Variants in TMEM74 observed in about 807,000 individuals in gnomAD.
TMEM74 encodes transmembrane protein 74.
TMEM74 carries 13 observed loss-of-function variants against 18.1 expected under a neutral mutation model. The observed-to-expected ratio is 0.72, with a 90% confidence interval of 0.47 to 1.14. TMEM74 has a LOEUF of 1.14. Ranked by LOEUF, TMEM74 falls within the 50% of genes most tolerant of loss-of-function variation. TMEM74 has a pLI of 0.00. For synonymous variants in TMEM74, 159 were observed against 146.6 expected (o/e 1.08, Z -0.61); for missense variants, 372 against 375.9 (o/e 0.99, Z 0.09).
chr8:108,774,593 C>T (rs980395555), downstream of TMEM74, among the ~76,000 whole-genome samples: 1 of 152,168 alleles, frequency 6.6e-6, no homozygotes, highest in African/African-American at 2.4e-5. Context: ...CGTCACTTTG[C>T]TCACATTCCT....
rs936094024 is a variant in TMEM74, at chr8:108,672,645, GC to G, written n.120-17209del. Among the ~76,000 whole-genome samples the G allele has an allele frequency of 1.9e-4, 29 of 152,286 alleles. 1 individual carries two copies. The highest frequency in any genetic ancestry group is 5.2e-4 in the Admixed American group (8 of 15,302). On this transcript the variant is annotated intron_variant and non_coding_transcript_variant, in intron 1 of 3. Transcript: ENST00000518838. The stretch of plus-strand genomic sequence containing the variant: ...TTTGACATTTGGGTCATTGGAATGT[GC>G]CAGCTGAATTTAGTATCCTTGTGAT...
In TMEM74 at chr8:108,784,466, G is replaced by C. The variant is rs754336706; in HGVS notation, c.633C>G (p.Ala211=). ...CCTTCTCCAGGCGCTCCATCTCCCG[G>C]GCTGCCACAGTGTTGGGGTCCACAG... ...EVTVDPNTVA[A]REMERLEKES... Residue 211 remains alanine (A), a synonymous_variant, in exon 2 of 2, where the codon GCC becomes GCG. Transcript: ENST00000297459. 1 of 1,614,138 alleles carries C rather than the reference G, an allele frequency of 6.2e-7. No individual in the cohort carries two copies. Among genetic ancestry groups the C allele is most frequent in the South Asian group, 1.1e-5 (1 of 91,072 alleles).
rs1814289768 is a variant in TMEM74 at position 108,780,395 on chromosome 8, T to C, written c.*3786A>G. On this transcript the variant is annotated 3_prime_UTR_variant, in exon 2 of 2. Coordinates refer to ENST00000297459, the MANE Select transcript of TMEM74 (RefSeq NM_153015.3). ...ACATGCTCCTGCCTAGAATTTTTGC[T>C]TGTCAGAAGGTGGTAAAAAAAAATA... 6.6e-6 allele frequency among the ~76,000 whole-genome samples: 1 copy of C among 152,158 alleles called. No homozygotes were observed. Among genetic ancestry groups the C allele is most frequent in the Non-Finnish European group, 1.5e-5 (1 of 68,030 alleles).
At chr8:108,767,490 A>C (rs1814122390) in intron 1 of TMEM74, among the ~76,000 whole-genome samples, 1 of 152,170 alleles carries the variant, frequency 6.6e-6, no homozygotes, top group Non-Finnish European at 1.5e-5. Flanking sequence ...CATTTTGAGA[A>C]CATTTCTGTA....
At chr8:108,679,692 T>G (rs972393518) in intron 1 of TMEM74, among the ~76,000 whole-genome samples, 1 of 152,194 alleles carries the variant, frequency 6.6e-6, no homozygotes, top group African/African-American at 2.4e-5. Context: ...TCCCATTTTG[T>G]AGGTTGTCTG....
chr8:108,707,443 T>A (rs1439820598), intron 1 of TMEM74, among the ~76,000 whole-genome samples: 1 of 152,150 alleles, frequency 6.6e-6, no homozygotes, highest in African/African-American at 2.4e-5. Context: ...CGCCAAAATT[T>A]TAGCAGTTGT....
rs187028206 is a variant in TMEM74 at position 108,644,782 on chromosome 8, A to G, written n.264+10511T>C. The stretch of plus-strand genomic sequence containing the variant: ...AAATCACTAATCATTAGAGAAATGT[A>G]AGTCAAAACCACCATGAGGTAAAAC... On this transcript the variant is annotated intron_variant and non_coding_transcript_variant, in intron 2 of 3. Transcript: ENST00000518838. Among the ~76,000 whole-genome samples, 19 of 152,334 alleles carry G rather than the reference A, an allele frequency of 1.2e-4. No individual in the cohort carries two copies. In the East Asian group the frequency reaches 3.7e-3, roughly 29 times the overall value.
At chr8:108,640,640 T>A (rs3019395) in intron 2 of TMEM74, among the ~76,000 whole-genome samples, 32,109 of 151,884 alleles carry the variant, frequency 0.21, 3,427 homozygotes, top group East Asian at 0.27. Flanking sequence ...ATTAGCAAAT[T>A]TTTTTTTGGA....
intron 1 of TMEM74, among the ~76,000 whole-genome samples, chr8:108,698,698 T>G (rs1452099329): frequency 2.6e-5 from 4 of 152,228 alleles, no homozygotes; most frequent in African/African-American, 9.6e-5. Context: ...TTTGAGTGTT[T>G]AACCATTTCA....
chr8:108,611,263 C>T (rs1368532261), intron 2 of TMEM74, among the ~76,000 whole-genome samples: 1 of 152,048 alleles, frequency 6.6e-6, no homozygotes, highest in Non-Finnish European at 1.5e-5. Flanking sequence ...TTCCCATTTC[C>T]ATTTCCAAAG....
At chr8:108,638,891 T>C (rs1431422927) in intron 2 of TMEM74, among the ~76,000 whole-genome samples, 2 of 152,198 alleles carry the variant, frequency 1.3e-5, no homozygotes, top group Non-Finnish European at 2.9e-5. Flanking sequence ...CGTGACCATG[T>C]GACTTGCATG....
At chr8:108,675,191 T>C (rs1055655514) in intron 1 of TMEM74, among the ~76,000 whole-genome samples, 1 of 152,206 alleles carries the variant, frequency 6.6e-6, no homozygotes, top group African/African-American at 2.4e-5. Context: ...ATATCCTTCA[T>C]TGACTACCTT....
At chr8:108,609,448 T>C (rs1000164744) in intron 2 of TMEM74, among the ~76,000 whole-genome samples, 2 of 152,108 alleles carry the variant, frequency 1.3e-5, no homozygotes, top group African/African-American at 4.8e-5. Context: ...AGGAATTGGA[T>C]ACCAGCCTGG....
chr8:108,718,260 G>A lies in TMEM74; in HGVS notation n.120-62823C>T, dbSNP rs571660313. Among the ~76,000 whole-genome samples the A allele has an allele frequency of 2.0e-5, 3 of 152,056 alleles. 1 individual carries two copies. Among genetic ancestry groups the A allele is most frequent in the African/African-American group, 7.2e-5 (3 of 41,444 alleles). ...GGCGTGAGCCACCGCGCCCGGCCCTGACTTAGGTTTTAAAAGGACCCCCTG... is the reference window on the plus strand; with the variant it reads ...GGCGTGAGCCACCGCGCCCGGCCCTAACTTAGGTTTTAAAAGGACCCCCTG... On this transcript the variant is annotated intron_variant and non_coding_transcript_variant, in intron 1 of 3. Coordinates refer to the TMEM74 transcript ENST00000518838.
chr8:108,688,054 G>A (rs1813189119), intron 1 of TMEM74, among the ~76,000 whole-genome samples: 1 of 152,186 alleles, frequency 6.6e-6, no homozygotes, highest in Non-Finnish European at 1.5e-5. Flanking sequence ...TTCAAAATGT[G>A]CTTAAGTTCA....
At chr8:108,703,120 G>A (rs913458502) in intron 1 of TMEM74, among the ~76,000 whole-genome samples, 4 of 152,042 alleles carry the variant, frequency 2.6e-5, no homozygotes, top group Non-Finnish European at 5.9e-5. Context: ...GGTGGAATAC[G>A]TGATCTCTAA....
At chr8:108,733,434 G>T (rs748075951) in intron 1 of TMEM74, among the ~76,000 whole-genome samples, 1 of 152,144 alleles carries the variant, frequency 6.6e-6, no homozygotes, top group Non-Finnish European at 1.5e-5. Context: ...GTTAGAATAA[G>T]CCAAAATAAT....
intron 2 of TMEM74, among the ~76,000 whole-genome samples, chr8:108,610,440 G>A (rs1812323528): frequency 6.6e-6 from 1 of 152,206 alleles, no homozygotes; most frequent in African/African-American, 2.4e-5. Context: ...TTACATTCTA[G>A]TTGGAGGGTA....
At chr8:108,736,735 T>C (rs948188346) in intron 1 of TMEM74, among the ~76,000 whole-genome samples, 2 of 152,138 alleles carry the variant, frequency 1.3e-5, no homozygotes, top group South Asian at 4.1e-4. Context: ...TTTTAAGCCT[T>C]GAAAAACTTT....
Sources: gnomAD v4.1 joint callset for allele counts (sites outside exome capture counted in the v4.1 genomes callset) on GRCh38, gnomAD v4.1.1 for gene constraint, MANE v1.5 for transcripts, NCBI Gene and HGNC (gene_info 2026-07-23, HGNC 2026-07-21) for gene names.